The following PLPPR4 variants were observed in gnomAD, a reference collection of about 807,000 sequenced individuals.
The protein encoded by PLPPR4 is phospholipid phosphatase-related protein type 4.
PLPPR4 carries 24 observed loss-of-function variants against 56.6 expected under a neutral mutation model. The observed-to-expected ratio is 0.42, with a 90% confidence interval of 0.31 to 0.60. The LOEUF (loss-of-function observed/expected upper bound fraction) is 0.60. Ranked by LOEUF, PLPPR4 falls within the 20% of genes least tolerant of loss-of-function variation. The pLI, the probability that PLPPR4 is intolerant of heterozygous loss-of-function variation, is 0.13. For missense variants in PLPPR4, 654 were observed against 885.8 expected (o/e 0.74, Z 3.32); for synonymous variants, 326 against 328.1 (o/e 0.99, Z 0.07).
chr1:99,275,528 G>A lies in PLPPR4; in HGVS notation c.78+10857G>A, dbSNP rs115868428. 6.7e-3 allele frequency among the ~76,000 whole-genome samples: 1,018 copies of A among 152,244 alleles called. 10 individuals carry two copies. The highest frequency in any genetic ancestry group is 0.018 in the African/African-American group (747 of 41,554). Reference sequence around the variant, plus strand: ...TCAATAAATCTGTGATGGATTCGTCGTTGCGTAGGTCAATAAATCTAGCAG... The same window carrying A: ...TCAATAAATCTGTGATGGATTCGTCATTGCGTAGGTCAATAAATCTAGCAG... On this transcript the variant is annotated intron_variant, in intron 1 of 6. Coordinates refer to ENST00000370185, the MANE Select transcript of PLPPR4 (RefSeq NM_014839.5).
At chr1:99,277,156 C>G (rs913359197) in intron 1 of PLPPR4, among the ~76,000 whole-genome samples, 4 of 152,176 alleles carry the variant, frequency 2.6e-5, no homozygotes, top group Non-Finnish European at 5.9e-5. Context: ...GCCAGGACCA[C>G]TTTCCCATCT....
chr1:99,265,145 C>G (rs1570902294), intron 1 of PLPPR4, among the ~76,000 whole-genome samples: 1 of 1,934 alleles, frequency 5.2e-4, no homozygotes. Context: ...ATTGCTCCTG[C>G]CCCCCCCCCC....
chr1:99,306,047 A>G lies in PLPPR4; in HGVS notation c.1185A>G (p.Arg395=), dbSNP rs765238680. ...ASIHASMDSA[R]SKQLLTQWKN... ...TTCATGCCTCTATGGATTCCGCTCG[A>G]TCAAAGCAGCTCCTCACCCAGTGGA... Residue 395 remains arginine, a synonymous_variant, in exon 7 of 7, where the codon CGA becomes CGG. Transcript: ENST00000370185. This position sits in a 1 kb window ranked among gnomAD's most constrained non-coding sequence, Gnocchi z 4.0. 23 of 1,614,006 alleles carry G rather than the reference A, an allele frequency of 1.4e-5. No homozygotes were observed. In the Admixed American group the frequency reaches 3.7e-4, roughly 26 times the overall value.
At position 99,306,311 on chromosome 1, in the gene PLPPR4, A is replaced by C; in HGVS notation, c.1449A>C (p.Ser483=). 6.2e-7 allele frequency: 1 copy of C among 1,614,174 alleles called. No individual in the cohort carries two copies. Among genetic ancestry groups the C allele is most frequent in the Non-Finnish European group, 8.5e-7 (1 of 1,180,028 alleles). The change falls in exon 7 of 7, where the codon TCA becomes TCC. Residue 483 remains serine (S), a synonymous_variant. Coordinates refer to ENST00000370185, the MANE Select transcript of PLPPR4 (RefSeq NM_014839.5). The surrounding 1 kb of genome is among the most constrained non-coding windows in gnomAD (Gnocchi z 4.0). ...RVSIQSRPGS[S]QLVHIPEETQ... Reference sequence around the variant, plus strand: ...CCATTCAGTCCCGTCCTGGGTCCTCACAGTTGGTGCACATCCCTGAGGAGA... The same window carrying C: ...CCATTCAGTCCCGTCCTGGGTCCTCCCAGTTGGTGCACATCCCTGAGGAGA...
rs1053443576 is a variant in PLPPR4 at position 99,264,635 on chromosome 1, C to T, written c.42C>T (p.Asp14=). The part of the protein sequence containing the change: ...KERPKGKVIK[D]SVTLLPCFYF... ...GGCCAAAGGGCAAAGTGATCAAGGACAGCGTCACCCTCCTGCCCTGCTTTT... is the reference window on the plus strand; with the variant it reads ...GGCCAAAGGGCAAAGTGATCAAGGATAGCGTCACCCTCCTGCCCTGCTTTT... The change falls in exon 1 of 7, where the codon GAC becomes GAT. Residue 14 remains aspartate, a synonymous_variant. Transcript: ENST00000370185. The T allele has an allele frequency of 3.9e-6, 6 of 1,550,590 alleles. No homozygotes were observed. Among genetic ancestry groups the T allele is most frequent in the African/African-American group, 1.4e-5 (1 of 73,066 alleles).
chr1:99,276,649 AT>A (rs900257224), intron 1 of PLPPR4, among the ~76,000 whole-genome samples: 6 of 152,156 alleles, frequency 3.9e-5, no homozygotes, highest in African/African-American at 1.4e-4. Flanking sequence ...AACACAAAAA[AT>A]ATAAACTTTA....
At chr1:99,291,767 C>T (rs534654383) in intron 2 of PLPPR4, among the ~76,000 whole-genome samples, 1 of 152,134 alleles carries the variant, frequency 6.6e-6, no homozygotes, top group East Asian at 1.9e-4. Flanking sequence ...ATACTGGGGC[C>T]TACCTGAGGG....
intron 5 of PLPPR4, 124 bp downstream of exon 5, chr1:99,301,090 C>T (rs886780213): frequency 1.2e-6 from 1 of 811,638 alleles, no homozygotes; most frequent in South Asian, 1.6e-5. Flanking sequence ...TTTAGCACTG[C>T]AGCCTTTCAA....
At chr1:99,264,437 G>A (rs1408990474), upstream of PLPPR4, 4 of 1,472,150 alleles carry the variant, frequency 2.7e-6, no homozygotes, top group Non-Finnish European at 3.6e-6. Flanking sequence ...CGGGGAGAAG[G>A]CGGGGGCGCT....
At chr1:99,277,303 T>A (rs1659212322) in intron 1 of PLPPR4, among the ~76,000 whole-genome samples, 1 of 152,210 alleles carries the variant, frequency 6.6e-6, no homozygotes, top group African/African-American at 2.4e-5. Flanking sequence ...TTGAAAGCTC[T>A]ACTCTTGTCT....
At chr1:99,266,896 C>G (rs571144525) in intron 1 of PLPPR4, among the ~76,000 whole-genome samples, 86 of 152,336 alleles carry the variant, frequency 5.6e-4, no homozygotes, top group African/African-American at 2.0e-3. Flanking sequence ...GGTGAGAATG[C>G]ACTAAATTTA....
chr1:99,299,835 G>A (rs920779531), intron 4 of PLPPR4, among the ~76,000 whole-genome samples: 48 of 151,866 alleles, frequency 3.2e-4, no homozygotes, highest in African/African-American at 1.1e-3. Context: ...AATTACCAAT[G>A]CATTACATTT....
At chr1:99,300,348 G>C (rs1234292636) in intron 4 of PLPPR4, among the ~76,000 whole-genome samples, 1 of 151,956 alleles carries the variant, frequency 6.6e-6, no homozygotes, top group South Asian at 2.1e-4. Flanking sequence ...TTCTTGAGAT[G>C]AAATTATTGT....
At position 99,292,069 on chromosome 1, in the gene PLPPR4, T is replaced by C. The variant is rs145539030; in HGVS notation, c.264+3919T>C. On this transcript the variant is annotated intron_variant, in intron 2 of 6. Coordinates refer to ENST00000370185, the MANE Select transcript of PLPPR4 (RefSeq NM_014839.5). ...TTGATATATTTGAATTTGAGATAAA[T>C]TACTTAACATACTACACAAATGATC... is the stretch of plus-strand genomic sequence containing the variant. 3.5e-4 allele frequency among the ~76,000 whole-genome samples: 53 copies of C among 152,280 alleles called. No individual in the cohort carries two copies. In the East Asian group the frequency reaches 9.3e-3, roughly 27 times the overall value.
At position 99,305,667 on chromosome 1, in the gene PLPPR4, C is replaced by G. The variant is rs1282014999; in HGVS notation, c.823-18C>G. On this transcript the variant is annotated intron_variant, in intron 6 of 6. Transcript: ENST00000370185. ...GTCTTCTAGTGCATGATATTTATTGCTTTCTCTCAAACACTAGGGCTTGTA... is the reference window on the plus strand; with the variant it reads ...GTCTTCTAGTGCATGATATTTATTGGTTTCTCTCAAACACTAGGGCTTGTA... 1.3e-6 allele frequency: 2 copies of G among 1,597,454 alleles called. No homozygotes were observed. Among genetic ancestry groups the G allele is most frequent in the Non-Finnish European group, 1.7e-6 (2 of 1,172,726 alleles).
chr1:99,280,379 C>T (rs1022530161), intron 1 of PLPPR4, among the ~76,000 whole-genome samples: 4 of 152,178 alleles, frequency 2.6e-5, no homozygotes, highest in African/African-American at 7.2e-5. Context: ...TAGTATCTGG[C>T]ACCTAAGTCC....
intron 2 of PLPPR4, among the ~76,000 whole-genome samples, chr1:99,288,960 C>T (rs1659545629): frequency 6.6e-6 from 1 of 151,888 alleles, no homozygotes; most frequent in Non-Finnish European, 1.5e-5. Flanking sequence ...TAAAGAAATG[C>T]TCTAATGTAC....
intron 4 of PLPPR4, among the ~76,000 whole-genome samples, 160 bp from the exon 5 acceptor site, chr1:99,300,749 T>C (rs1659866894): frequency 6.6e-6 from 1 of 152,096 alleles, no homozygotes; most frequent in Admixed American, 6.6e-5. Flanking sequence ...ATTTATTTTA[T>C]CACTAAGGTC....
chr1:99,289,272 C>T (rs1468980254), intron 2 of PLPPR4, among the ~76,000 whole-genome samples: 1 of 152,122 alleles, frequency 6.6e-6, no homozygotes, highest in African/African-American at 2.4e-5. Flanking sequence ...AGGTTCAGTA[C>T]AGCAGAGTTT....
Sources: gnomAD v4.1 joint callset for allele counts (sites outside exome capture counted in the v4.1 genomes callset) on GRCh38, gnomAD v4.1.1 for gene constraint, Gnocchi (gnomAD v3.1) non-coding constraint, MANE v1.5 for transcripts, NCBI Gene and HGNC (gene_info 2026-07-23, HGNC 2026-07-21) for gene names.